GPR137B: variants seen among roughly 807,000 people sequenced by gnomAD.
The protein encoded by GPR137B is G protein-coupled receptor 137B, also known as integral membrane protein GPR137B.
GPR137B carries 42 observed loss-of-function variants against 42.5 expected under a neutral mutation model. That is an observed-to-expected ratio of 0.99 (90% CI 0.77 to 1.28). The LOEUF is 1.28. Among genes scored for constraint, GPR137B ranks in the 50% most tolerant of loss-of-function variants. The pLI is 0.00. For missense variants in GPR137B, 487 were observed against 493.9 expected, an observed-to-expected ratio of 0.99 and a Z score of 0.13; for synonymous variants, 218 against 209.7, an observed-to-expected ratio of 1.04 and a Z score of -0.34.
chr1:236,191,417 T>G (rs775429813), intron 5 of GPR137B, among the ~76,000 whole-genome samples: 1 of 152,170 alleles, frequency 6.6e-6, no homozygotes. Context: ...GGAGGAGAAG[T>G]GGCATTCTGG....
chr1:236,207,553 A>G (rs1448753714), intron 6 of GPR137B, among the ~76,000 whole-genome samples: 1 of 152,222 alleles, frequency 6.6e-6, no homozygotes, highest in African/African-American at 2.4e-5. Context: ...GAGGAACATA[A>G]TTATAATGAA....
intron 5 of GPR137B, among the ~76,000 whole-genome samples, chr1:236,199,412 T>G (rs548096802): frequency 6.6e-6 from 1 of 152,328 alleles, no homozygotes; most frequent in East Asian, 1.9e-4. Flanking sequence ...ATAGAATGAT[T>G]TAGGGAGGAT....
In GPR137B at chr1:236,178,648, T is replaced by C. The variant is rs1331040770; in HGVS notation, c.687+12T>C. 6.7e-7 allele frequency: 1 copy of C among 1,503,556 alleles called. No homozygotes were observed. The highest frequency in any genetic ancestry group is 1.1e-5 in the South Asian group (1 of 88,766). The allele number at this position is 1,503,556 out of a possible 1,614,324, so 93.1% of individuals were successfully genotyped here. On this transcript the variant is annotated intron_variant, in intron 3 of 6. Transcript: ENST00000366592. The stretch of plus-strand genomic sequence containing the variant: ...ACTTGGAGTCCAAGGTAGGTGGAAA[T>C]GTGGTCAAGATCCCTCCCATGAAAC...
Position 236,142,906 on chromosome 1 carries a change from T to C in GPR137B, c.284T>C (p.Leu95Pro). 4.3e-6 allele frequency: 7 copies of C among 1,614,250 alleles called. No homozygotes were observed. Among genetic ancestry groups the C allele is most frequent in the Non-Finnish European group, 5.1e-6 (6 of 1,180,036 alleles). The change falls in exon 1 of 7, where the codon CTC becomes CCC. Residue 95 changes from leucine to proline, a missense_variant. Leu to Pro is a moderately conservative substitution (Grantham distance 98). Coordinates refer to ENST00000366592, the MANE Select transcript of GPR137B (RefSeq NM_003272.4). ...CLFWASLRTV[L>P]FSFYFKDFVA... ...TTCTGGGCCTCCCTGCGGACCGTCC[T>C]CTTCTCCTTCTACTTCAAAGACTTC...
At position 236,178,548 on chromosome 1, in the gene GPR137B, C is replaced by T. The variant is rs372619566; in HGVS notation, c.599C>T (p.Thr200Met). The stretch of plus-strand genomic sequence containing the variant: ...TCTGTGCGAGTGGCCATTAATGACA[C>T]GCTCTTCGTGCTGTGTGCCGTCTCT... ...IVSVRVAINDTLFVLCAVSLS... is the reference protein window; with the variant it reads ...IVSVRVAINDMLFVLCAVSLS... Residue 200 changes from threonine to methionine, a missense_variant, in exon 3 of 7, where the codon ACG (threonine) becomes ATG (methionine). By Grantham distance (81) the Thr-to-Met change is moderately conservative (BLOSUM62 -1). Transcript: ENST00000366592. The T allele has an allele frequency of 1.3e-5, 21 of 1,613,196 alleles. No homozygotes were observed. The highest frequency in any genetic ancestry group is 1.7e-5 in the Non-Finnish European group (20 of 1,179,580).
chr1:236,185,006 A>G (rs532400695), intron 5 of GPR137B, among the ~76,000 whole-genome samples: 5 of 152,086 alleles, frequency 3.3e-5, no homozygotes, highest in Non-Finnish European at 7.4e-5. Context: ...ACCTCAGGTG[A>G]TCCGACCGCC....
intron 5 of GPR137B, 48 bp from the exon 6 acceptor site, chr1:236,205,078 C>A: frequency 6.5e-7 from 1 of 1,529,696 alleles, no homozygotes; most frequent in Non-Finnish European, 8.9e-7. Context: ...TTGTCTGGTG[C>A]AAGGCATGAT....
chr1:236,180,189 C>A (rs2102911654), intron 4 of GPR137B, 161 bp downstream of exon 4: 1 of 594,058 alleles, frequency 1.7e-6, no homozygotes, highest in Non-Finnish European at 3.1e-6. Context: ...CTTCTGTATA[C>A]TTTAAATTAA....
chr1:236,145,967 C>T (rs991820004), intron 1 of GPR137B, among the ~76,000 whole-genome samples: 5 of 152,174 alleles, frequency 3.3e-5, no homozygotes, highest in Admixed American at 1.3e-4. Context: ...AAGCGATTCT[C>T]CTGCCTCAGC....
chr1:236,200,964 G>T (rs1663477852), intron 5 of GPR137B, among the ~76,000 whole-genome samples: 4 of 151,752 alleles, frequency 2.6e-5, no homozygotes, highest in Admixed American at 2.6e-4. Context: ...CTATTCTGGT[G>T]TATTTTGAGG....
At chr1:236,144,282 G>C (rs1360992552) in intron 1 of GPR137B, among the ~76,000 whole-genome samples, 1 of 152,108 alleles carries the variant, frequency 6.6e-6, no homozygotes, top group African/African-American at 2.4e-5. Context: ...GGGTGTGGTA[G>C]TGCCCGCCTG....
At chr1:236,146,983 A>G (rs1661699367) in intron 1 of GPR137B, among the ~76,000 whole-genome samples, 1 of 151,988 alleles carries the variant, frequency 6.6e-6, no homozygotes, top group African/African-American at 2.4e-5. Context: ...TAATTTCTGT[A>G]TTTTCAGTAG....
At chr1:236,164,078 C>T (rs1662275873) in intron 1 of GPR137B, among the ~76,000 whole-genome samples, 1 of 152,008 alleles carries the variant, frequency 6.6e-6, no homozygotes, top group East Asian at 1.9e-4. Flanking sequence ...CCTCCCCACA[C>T]CTCTCACACT....
At chr1:236,206,537 A>G (rs978376480) in intron 6 of GPR137B, among the ~76,000 whole-genome samples, 19 of 152,346 alleles carry the variant, frequency 1.2e-4, no homozygotes, top group Admixed American at 1.1e-3. Flanking sequence ...TCAAAGCAGC[A>G]TACATAGAGG....
At chr1:236,181,104 G>A (rs900115217) in intron 4 of GPR137B, among the ~76,000 whole-genome samples, 2 of 152,006 alleles carry the variant, frequency 1.3e-5, no homozygotes, top group African/African-American at 4.8e-5. Flanking sequence ...CACGTACACA[G>A]CATTTGAGAA....
Position 236,208,755 on chromosome 1 carries a change from C to G in GPR137B, c.*597C>G. 1 of 985,064 alleles carries G rather than the reference C, an allele frequency of 1.0e-6. No homozygotes were observed. The highest frequency in any genetic ancestry group is 1.2e-6 in the Non-Finnish European group (1 of 829,774). 61.0% of individuals were successfully genotyped at this position (985,064 alleles called of 1,614,324 possible). A position where few individuals can be genotyped will look rare whatever the true frequency, so the allele number is the denominator to read the frequency against. On this transcript the variant is annotated 3_prime_UTR_variant, in exon 7 of 7. Coordinates refer to ENST00000366592, the MANE Select transcript of GPR137B (RefSeq NM_003272.4). ...CTTTAGAGATTTTTTTTTTAAGGTTCAGGCCGTAGGTTCCTCAAGGAATCT... is the reference window on the plus strand; with the variant it reads ...CTTTAGAGATTTTTTTTTTAAGGTTGAGGCCGTAGGTTCCTCAAGGAATCT...
chr1:236,197,125 C>T (rs949721751), intron 5 of GPR137B, among the ~76,000 whole-genome samples: 1 of 152,152 alleles, frequency 6.6e-6, no homozygotes, highest in African/African-American at 2.4e-5. Context: ...GTTTGCATTC[C>T]TCTGAGAATT....
chr1:236,194,726 G>A (rs1437761005), intron 5 of GPR137B, among the ~76,000 whole-genome samples: 1 of 152,178 alleles, frequency 6.6e-6, no homozygotes, highest in Non-Finnish European at 1.5e-5. Context: ...TCCCAGGGCA[G>A]CTGTGATACT....
chr1:236,164,523 C>G (rs1369368090), intron 1 of GPR137B, among the ~76,000 whole-genome samples: 2 of 152,220 alleles, frequency 1.3e-5, no homozygotes, highest in Non-Finnish European at 2.9e-5. Context: ...TATGAGAGCC[C>G]AGCCGGCCAG....
Sources: gnomAD v4.1 joint callset for allele counts (sites outside exome capture counted in the v4.1 genomes callset) on GRCh38, gnomAD v4.1.1 for gene constraint, MANE v1.5 for transcripts, NCBI Gene and HGNC (gene_info 2026-07-23, HGNC 2026-07-21) for gene names.